Variants in EEF1AKMT2 observed in about 807,000 individuals in gnomAD.
EEF1AKMT2 encodes EEF1A lysine methyltransferase 2.
In EEF1AKMT2, 32 loss-of-function variants were observed where a neutral mutation model predicts 35.8. That is an observed-to-expected ratio of 0.89 (90% CI 0.67 to 1.20). EEF1AKMT2 has a LOEUF of 1.20. Among genes scored for constraint, EEF1AKMT2 ranks in the 50% most tolerant of loss-of-function variants. EEF1AKMT2 has a pLI of 0.00. For missense variants in EEF1AKMT2, 330 were observed against 347.5 expected, an observed-to-expected ratio of 0.95 and a Z score of 0.40; for synonymous variants, 121 against 133.7, an observed-to-expected ratio of 0.91 and a Z score of 0.65.
intron 1 of EEF1AKMT2, among the ~76,000 whole-genome samples, chr10:124,791,444 G>A (rs111358080): frequency 7.2e-5 from 11 of 152,098 alleles, no homozygotes; most frequent in African/African-American, 2.4e-4. Context: ...TGGCCCTCAG[G>A]TTCGAGACTC....
intron 4 of EEF1AKMT2, among the ~76,000 whole-genome samples, chr10:124,767,523 AAAAAG>A (rs1023934130): frequency 2.4e-4 from 37 of 151,640 alleles, no homozygotes; most frequent in South Asian, 1.2e-3. Context: ...AAAAAAAAAA[AAAAAG>A]AAAAGAAAAG....
At chr10:124,763,227 G>A (rs761686946) in intron 5 of EEF1AKMT2, among the ~76,000 whole-genome samples, 10 of 152,034 alleles carry the variant, frequency 6.6e-5, no homozygotes, top group South Asian at 2.1e-4. Flanking sequence ...AAGTCCCTTC[G>A]ACATCAAATT....
intron 3 of EEF1AKMT2, among the ~76,000 whole-genome samples, chr10:124,779,374 C>T (rs1259528749): frequency 4.6e-5 from 7 of 152,126 alleles, no homozygotes; most frequent in Non-Finnish European, 8.8e-5. Flanking sequence ...CTCAAACAAA[C>T]CTTCCACCTT....
rs769643216 is a variant in EEF1AKMT2, at chr10:124,774,658, A to C, written c.399+17T>G. On this transcript the variant is annotated intron_variant, in intron 4 of 6. Coordinates refer to ENST00000368836, the MANE Select transcript of EEF1AKMT2 (RefSeq NM_212554.4). The stretch of plus-strand genomic sequence containing the variant: ...AACCTCTATTGTAAATATTATAGTA[A>C]TATAAATAATAGTTACCTTTAACTT... 23 of 1,233,520 alleles carry C rather than the reference A, an allele frequency of 1.9e-5. No homozygotes were observed. Among genetic ancestry groups the C allele is most frequent in the Middle Eastern group, 2.8e-4 (1 of 3,622 alleles). 76.4% of individuals were successfully genotyped at this position (1,233,520 alleles called of 1,614,324 possible).
intron 3 of EEF1AKMT2, among the ~76,000 whole-genome samples, chr10:124,776,710 GCT>G (rs1950490487): frequency 5.3e-5 from 8 of 152,000 alleles, no homozygotes; most frequent in Admixed American, 4.6e-4. Flanking sequence ...CAGGAGAATT[GCT>G]TGAACCCGGG....
chr10:124,779,071 A>G (rs1346949632), intron 3 of EEF1AKMT2, among the ~76,000 whole-genome samples: 3 of 152,038 alleles, frequency 2.0e-5, no homozygotes, highest in Non-Finnish European at 2.9e-5. Flanking sequence ...CCAACACCTA[A>G]TAAGTTTACT....
intron 3 of EEF1AKMT2, among the ~76,000 whole-genome samples, chr10:124,775,593 C>T (rs1345476786): frequency 6.6e-6 from 1 of 152,148 alleles, no homozygotes; most frequent in African/African-American, 2.4e-5. Flanking sequence ...CTGCTCTTCA[C>T]CATTTACTAA....
chr10:124,773,434 G>C (rs1051295938), intron 4 of EEF1AKMT2, among the ~76,000 whole-genome samples: 1 of 151,964 alleles, frequency 6.6e-6, no homozygotes, highest in Non-Finnish European at 1.5e-5. Flanking sequence ...GTTTCACCAT[G>C]CTGGCCAGGC....
chr10:124,774,718 C>A lies in EEF1AKMT2; in HGVS notation c.356G>T (p.Gly119Val). ...DYSPSAIQLS[G>V]SIIEKEGLSN... ...TAAACCTTCTTTTTCTATAATACTT[C>A]CAGAAAGCTGAATTGCAGAAGGAGA... The change falls in exon 4 of 7, where the codon GGA becomes GTA. Residue 119 changes from glycine to valine, a missense_variant. Gly to Val is a moderately radical substitution (Grantham distance 109). Coordinates refer to ENST00000368836, the MANE Select transcript of EEF1AKMT2 (RefSeq NM_212554.4). The A allele has an allele frequency of 6.7e-7, 1 of 1,482,396 alleles. No individual in the cohort carries two copies. The highest frequency in any genetic ancestry group is 1.5e-5 in the South Asian group (1 of 66,256). 91.8% of individuals were successfully genotyped at this position (1,482,396 alleles called of 1,614,324 possible). A position where few individuals can be genotyped will look rare whatever the true frequency, so the allele number is the denominator to read the frequency against.
At chr10:124,782,916 G>A (rs1564908770) in intron 3 of EEF1AKMT2, 2 of 405,332 alleles carry the variant, frequency 4.9e-6, no homozygotes, top group Non-Finnish European at 4.8e-6. Context: ...AAATACACCA[G>A]TTAAAGGTTA....
chr10:124,774,642 T>C, intron 4 of EEF1AKMT2, 33 bp downstream of exon 4: 1 of 1,117,788 alleles, frequency 8.9e-7, no homozygotes, highest in East Asian at 3.2e-5. Context: ...TAACCTCTAT[T>C]GTAAATATTA....
chr10:124,758,393 A>G lies in EEF1AKMT2; in HGVS notation c.*2110T>C, dbSNP rs1317093678. The G allele has an allele frequency of 6.6e-6, 1 of 151,924 alleles. No individual in the cohort carries two copies. The highest frequency in any genetic ancestry group is 1.9e-4 in the East Asian group (1 of 5,186). 9.4% of individuals were successfully genotyped at this position (151,924 alleles called of 1,614,324 possible). On this transcript the variant is annotated 3_prime_UTR_variant, in exon 7 of 7. Transcript: ENST00000368836. Reference sequence around the variant, plus strand: ...ACTAATTTCTTATTAGCATTTTTGGACCTTCCATTTGTTCTGGTTTTAGTC... The same window carrying G: ...ACTAATTTCTTATTAGCATTTTTGGGCCTTCCATTTGTTCTGGTTTTAGTC...
At chr10:124,767,817 C>T (rs1950392528) in intron 4 of EEF1AKMT2, among the ~76,000 whole-genome samples, 1 of 151,958 alleles carries the variant, frequency 6.6e-6, no homozygotes. Flanking sequence ...CAAACCCCGC[C>T]TCTACTAAAA....
chr10:124,790,985 G>C (rs1950629266), intron 1 of EEF1AKMT2, among the ~76,000 whole-genome samples: 2 of 152,122 alleles, frequency 1.3e-5, no homozygotes, highest in East Asian at 1.9e-4. Context: ...GGCTGGTCTC[G>C]ATCTCCTGAC....
intron 1 of EEF1AKMT2, among the ~76,000 whole-genome samples, 187 bp downstream of exon 1, chr10:124,791,537 C>A (rs529097883): frequency 1.3e-5 from 2 of 152,314 alleles, no homozygotes; most frequent in South Asian, 4.1e-4. Context: ...CGGTTAACCG[C>A]GTAGGGCGAC....
rs1048572898 is a variant in EEF1AKMT2 at position 124,758,721 on chromosome 10, A to G, written c.*1782T>C. ...AATTCTAAGAGTACTTATCTATGTTATATTTGAAATCAAAGAATATTAATG... is the reference window on the plus strand; with the variant it reads ...AATTCTAAGAGTACTTATCTATGTTGTATTTGAAATCAAAGAATATTAATG... On this transcript the variant is annotated 3_prime_UTR_variant, in exon 7 of 7. Transcript: ENST00000368836. 1.3e-5 allele frequency: 2 copies of G among 152,130 alleles called. No homozygotes were observed. The highest frequency in any genetic ancestry group is 2.9e-5 in the Non-Finnish European group (2 of 68,018). 9.4% of individuals were successfully genotyped at this position (152,130 alleles called of 1,614,324 possible). A position where few individuals can be genotyped will look rare whatever the true frequency, so the allele number is the denominator to read the frequency against.
chr10:124,773,865 C>T (rs779297888), intron 4 of EEF1AKMT2, among the ~76,000 whole-genome samples: 16 of 152,194 alleles, frequency 1.1e-4, no homozygotes, highest in Non-Finnish European at 1.9e-4. Flanking sequence ...AGATGGGGCT[C>T]AACAGGCTTG....
chr10:124,780,799 C>T (rs957081247), intron 3 of EEF1AKMT2, among the ~76,000 whole-genome samples: 28 of 152,156 alleles, frequency 1.8e-4, no homozygotes, highest in Admixed American at 1.8e-3. Flanking sequence ...ATCCAAGCCA[C>T]AGCACACATC....
At chr10:124,778,062 G>T (rs1407439825) in intron 3 of EEF1AKMT2, among the ~76,000 whole-genome samples, 1 of 151,624 alleles carries the variant, frequency 6.6e-6, no homozygotes, top group South Asian at 2.1e-4. Context: ...GTGGTGGCGG[G>T]TGCCTGTAAT....
Sources: gnomAD v4.1 joint callset for allele counts (sites outside exome capture counted in the v4.1 genomes callset) on GRCh38, gnomAD v4.1.1 for gene constraint, MANE v1.5 for transcripts, NCBI Gene and HGNC (gene_info 2026-07-23, HGNC 2026-07-21) for gene names.